ZFYVE16: variants seen among roughly 807,000 people sequenced by gnomAD.
ZFYVE16 encodes zinc finger FYVE domain-containing protein 16.
ZFYVE16 carries 89 observed loss-of-function variants against 138.1 expected under a neutral mutation model. The observed-to-expected ratio is 0.64, with a 90% confidence interval of 0.54 to 0.77. The LOEUF (loss-of-function observed/expected upper bound fraction) is 0.77. Among genes scored for constraint, ZFYVE16 ranks in the 30% least tolerant of loss-of-function variants. ZFYVE16 has a pLI of 0.00. For missense variants in ZFYVE16, 1,793 were observed against 1,786.7 expected (o/e 1.00, Z -0.06); for synonymous variants, 596 against 618.3 (o/e 0.96, Z 0.53).
chr5:80,410,351 AC>A (rs1305629609), intron 1 of ZFYVE16: 4 of 152,108 alleles, frequency 2.6e-5, no homozygotes, highest in Non-Finnish European at 5.9e-5. Context: ...TCACACCCTT[AC>A]CAACATCGAG....
At chr5:80,423,386 T>C (rs148245471) in intron 1 of ZFYVE16, among the ~76,000 whole-genome samples, 15 of 152,264 alleles carry the variant, frequency 9.9e-5, no homozygotes, top group African/African-American at 3.6e-4. Flanking sequence ...TTTATTTTTG[T>C]AATTGATCGT....
intron 5 of ZFYVE16, chr5:80,440,925 A>G (rs559934520): frequency 2.0e-6 from 2 of 985,386 alleles, no homozygotes; most frequent in Admixed American, 6.1e-5. Flanking sequence ...CAATTCTCCA[A>G]AAAGCTCTGA....
At chr5:80,448,452 GA>G (rs1751634157) in intron 8 of ZFYVE16, 48 bp downstream of exon 8, 2 of 1,378,606 alleles carry the variant, frequency 1.5e-6, no homozygotes, top group African/African-American at 1.5e-5. Context: ...AATATATACT[GA>G]TGAATTTTAT....
chr5:80,436,520 A>T (rs1749932234), intron 3 of ZFYVE16, among the ~76,000 whole-genome samples: 1 of 152,232 alleles, frequency 6.6e-6, no homozygotes, highest in African/African-American at 2.4e-5. Context: ...CACTTGTGAC[A>T]CTTACTTTCT....
chr5:80,474,853 A>AT (rs1205324131), intron 18 of ZFYVE16, 23 bp downstream of exon 18: 2 of 1,578,490 alleles, frequency 1.3e-6, no homozygotes, highest in African/African-American at 1.4e-5. Context: ...TTTGTGATGT[A>AT]TTTTTGAAAT....
Position 80,474,683 on chromosome 5 carries a change from C to T in ZFYVE16, c.4314C>T (p.Asp1438=). 6.2e-7 allele frequency: 1 copy of T among 1,612,680 alleles called. No homozygotes were observed. Among genetic ancestry groups the T allele is most frequent in the Non-Finnish European group, 8.5e-7 (1 of 1,179,240 alleles). ...TTCAGGTGTTCTACTTTCTAAAGGA[C>T]CAGGATTTATCTATTTTATCAACTT... ...KCTEVFYFLK[D]QDLSILSTSY... Residue 1438 remains aspartate (D), a synonymous_variant, in exon 18 of 19, where the codon GAC becomes GAT. Transcript: ENST00000505560.
At chr5:80,444,096 T>C (rs1751025906) in intron 6 of ZFYVE16, among the ~76,000 whole-genome samples, 1 of 152,240 alleles carries the variant, frequency 6.6e-6, no homozygotes, top group South Asian at 2.1e-4. Flanking sequence ...ATATGAATTA[T>C]TAGTCTGTAA....
At chr5:80,454,976 T>G (rs1165713945) in intron 11 of ZFYVE16, 1 of 152,196 alleles carries the variant, frequency 6.6e-6, no homozygotes, top group Non-Finnish European at 1.5e-5. Context: ...TTATCATAAT[T>G]TTCCACCCCC....
chr5:80,438,744 A>G lies in ZFYVE16; in HGVS notation c.2059A>G (p.Ile687Val), dbSNP rs147235390. The G allele has an allele frequency of 5.8e-4, 941 of 1,614,122 alleles. 6 individuals are homozygous for G. In the African/African-American group the frequency reaches 0.011, roughly 18 times the overall value. ...EPSTADTVVP[I>V]TCAIDSTADP... is the part of the protein sequence containing the mutation. ...CAGCACAGCAGATACCGTTGTTCCA[A>G]TCACTTGTGCTATAGATTCTACAGC... Residue 687 changes from isoleucine (I) to valine (V), a missense_variant, in exon 4 of 19, where the codon ATC becomes GTC. Ile to Val is a conservative substitution (Grantham distance 29). Around this residue, in one of 2 missense-constraint regions of ZFYVE16, gnomAD observed 1,295 missense variants for 1,204.3 expected, o/e 1.08. Coordinates refer to ENST00000505560, the MANE Select transcript of ZFYVE16 (RefSeq NM_001284236.3).
At chr5:80,419,781 T>G (rs1746813958) in intron 1 of ZFYVE16, among the ~76,000 whole-genome samples, 2 of 151,840 alleles carry the variant, frequency 1.3e-5, no homozygotes, top group African/African-American at 4.8e-5. Context: ...GAGATCAGGT[T>G]GGGAAGAATT....
chr5:80,474,762 C>T lies in ZFYVE16; in HGVS notation c.4393C>T (p.His1465Tyr), dbSNP rs984875626. 3 of 1,613,738 alleles carry T rather than the reference C, an allele frequency of 1.9e-6. No individual in the cohort carries two copies. The highest frequency in any genetic ancestry group is 1.7e-5 in the Admixed American group (1 of 59,980). Reference protein sequence around the residue: ...AMACSAALCPHLKTLKSNGMN... With the variant: ...AMACSAALCPYLKTLKSNGMN... The stretch of plus-strand genomic sequence containing the variant: ...GGCTTGTAGTGCTGCGCTGTGCCCT[C>T]ACCTGAAAACTCTAAAAAGTAATGG... The change falls in exon 18 of 19, where the codon CAC becomes TAC. Residue 1465 changes from histidine to tyrosine, a missense_variant. Transcript: ENST00000505560.
rs1754624276 is a variant in ZFYVE16 at position 80,473,841 on chromosome 5, G to GCTTTC, written c.4275_4276insCTTTC (p.Ile1426LeufsTer4). ...AAGCAGATTTTGAAACCGATGAGAA[G>GCTTTC]ATTGTAAAATGTACCGAGGTAACTA... On this transcript the variant is annotated frameshift_variant, in exon 17 of 19. Coordinates refer to ENST00000505560, the MANE Select transcript of ZFYVE16 (RefSeq NM_001284236.3). LOFTEE classifies it high-confidence loss of function. 6 of 1,612,674 alleles carry GCTTTC rather than the reference G, an allele frequency of 3.7e-6. No homozygotes were observed. The highest frequency in any genetic ancestry group is 5.1e-6 in the Non-Finnish European group (6 of 1,179,266).
chr5:80,434,039 G>C (rs1749511354), intron 2 of ZFYVE16, 70 bp from the exon 3 acceptor site: 1 of 1,007,660 alleles, frequency 9.9e-7, no homozygotes, highest in African/African-American at 1.6e-5. Context: ...TGTGTTTCCT[G>C]GCATGGAATA....
chr5:80,417,334 A>G (rs1746404870), intron 1 of ZFYVE16, among the ~76,000 whole-genome samples: 1 of 152,162 alleles, frequency 6.6e-6, no homozygotes, highest in Non-Finnish European at 1.5e-5. Context: ...TTTTTGTCGC[A>G]GTCTGCATGC....
intron 15 of ZFYVE16, among the ~76,000 whole-genome samples, chr5:80,470,227 G>A (rs1368761751): frequency 2.7e-5 from 4 of 149,690 alleles, no homozygotes; most frequent in Non-Finnish European, 4.4e-5. Flanking sequence ...TCAGCCTCCC[G>A]AGTAGCTGGG....
At chr5:80,426,967 C>G (rs1444003742) in intron 1 of ZFYVE16, among the ~76,000 whole-genome samples, 1 of 151,772 alleles carries the variant, frequency 6.6e-6, no homozygotes, top group African/African-American at 2.4e-5. Context: ...GATGGTATCT[C>G]ATTGTGGTTT....
chr5:80,451,564 T>A lies in ZFYVE16; in HGVS notation c.3462T>A (p.Phe1154Leu). Reference protein sequence around the residue: ...LSSKDHGGFLFITPTFQKLDD... With the variant: ...LSSKDHGGFLLITPTFQKLDD... ...GCAAGGATCACGGAGGATTCCTGTT[T>A]ATTACACCTACTTTTCAGAAACTTG... is the stretch of plus-strand genomic sequence containing the variant. The change falls in exon 11 of 19, where the codon TTT becomes TTA. Residue 1154 changes from phenylalanine to leucine, a missense_variant. Phe to Leu is a conservative substitution (Grantham distance 22, BLOSUM62 0). Around this residue, in one of 2 missense-constraint regions of ZFYVE16, gnomAD observed 498 missense variants for 582.4 expected, o/e 0.86. Transcript: ENST00000505560. 1 of 1,613,952 alleles carries A rather than the reference T, an allele frequency of 6.2e-7. No homozygotes were observed. Among genetic ancestry groups the A allele is most frequent in the Non-Finnish European group, 8.5e-7 (1 of 1,179,922 alleles).
chr5:80,423,036 T>G (rs1055161472), intron 1 of ZFYVE16, among the ~76,000 whole-genome samples: 1 of 152,198 alleles, frequency 6.6e-6, no homozygotes, highest in East Asian at 1.9e-4. Flanking sequence ...ATGCTGGTCT[T>G]ATAGTATAAG....
chr5:80,410,941 C>CT (rs1561216376), intron 1 of ZFYVE16, among the ~76,000 whole-genome samples: 1 of 150,270 alleles, frequency 6.7e-6, no homozygotes, highest in East Asian at 2.0e-4. Context: ...AGAGCACATG[C>CT]CTTTTTTTTT....
Sources: allele counts gnomAD v4.1 joint callset (sites outside exome capture counted in the v4.1 genomes callset), GRCh38; gene constraint gnomAD v4.1.1; regional missense constraint gnomAD v4.1.1; transcripts MANE v1.5; gene names NCBI Gene and HGNC (gene_info 2026-07-23, HGNC 2026-07-21).